Variants in ANKS1A observed in about 807,000 individuals in gnomAD.
ANKS1A encodes the protein ankyrin repeat and SAM domain-containing protein 1A.
Under a neutral mutation model 120.3 loss-of-function variants are expected in ANKS1A, and 55 were observed. The ratio of observed to expected loss-of-function variants is 0.46; its 90% confidence interval spans 0.37 to 0.57. The LOEUF (loss-of-function observed/expected upper bound fraction) is 0.57. ANKS1A is among the 20% of genes least tolerant of loss of function. The pLI is 0.00. For synonymous variants in ANKS1A, 590 were observed against 604.7 expected, an observed-to-expected ratio of 0.98 and a Z score of 0.36; for missense variants, 1,123 against 1,480.3, an observed-to-expected ratio of 0.76 and a Z score of 3.96.
Position 35,054,137 on chromosome 6 carries a change from CT to C in ANKS1A, c.2053del (p.Ser685LeufsTer35). The C allele has an allele frequency of 6.2e-7, 1 of 1,614,072 alleles. No individual in the cohort carries two copies. Among genetic ancestry groups the C allele is most frequent in the Non-Finnish European group, 8.5e-7 (1 of 1,179,938 alleles). On this transcript the variant is annotated frameshift_variant, in exon 12 of 24. Transcript: ENST00000360359. LOFTEE classifies it high-confidence loss of function. ...IMSSIGEGID[F>X]SQERQKISGL... is the part of the protein sequence containing the mutation. ...TGAGTTCTATTGGAGAAGGGATTGA[CT>C]TTTCTCAGGAACGGCAGAAGATCTC... is the stretch of plus-strand genomic sequence containing the variant.
chr6:34,922,883 G>A (rs1381869349), intron 1 of ANKS1A, among the ~76,000 whole-genome samples: 9 of 152,102 alleles, frequency 5.9e-5, no homozygotes, highest in Non-Finnish European at 1.3e-4. Context: ...TAGTAGAGAC[G>A]GGGTTTCACC....
At chr6:35,094,782 G>A (rs1399166391), downstream of ANKS1A, among the ~76,000 whole-genome samples, 2 of 152,052 alleles carry the variant, frequency 1.3e-5, no homozygotes, top group East Asian at 3.9e-4. Context: ...GCATCTCAGG[G>A]ACCTGTGTGA....
In ANKS1A at chr6:34,917,291, C is replaced by CT. The variant is rs1768214501; in HGVS notation, c.197+27696dup. The stretch of plus-strand genomic sequence containing the variant: ...CTACCAGTGGAGAGGTGGCAGCAGG[C>CT]TTTTGGCTAAGTGGAGAGGCTCTCT... On this transcript the variant is annotated intron_variant, in intron 1 of 23. Coordinates refer to ENST00000360359, the MANE Select transcript of ANKS1A (RefSeq NM_015245.3). Among the ~76,000 whole-genome samples, 7 of 152,314 alleles carry CT rather than the reference C, an allele frequency of 4.6e-5. No homozygotes were observed. In the South Asian group the frequency reaches 1.2e-3, roughly 27 times the overall value.
chr6:35,011,126 T>C (rs1773738027), intron 10 of ANKS1A, among the ~76,000 whole-genome samples: 1 of 152,210 alleles, frequency 6.6e-6, no homozygotes, highest in Admixed American at 6.5e-5. Context: ...AAGAAAATGC[T>C]TGGCATAGTG....
At chr6:35,065,567 T>A (rs1322307808) in intron 13 of ANKS1A, among the ~76,000 whole-genome samples, 1 of 152,176 alleles carries the variant, frequency 6.6e-6, no homozygotes, top group African/African-American at 2.4e-5. Context: ...CTGTCACCCC[T>A]CAGGTGGCGT....
At chr6:35,028,644 A>G (rs1774747456) in intron 11 of ANKS1A, among the ~76,000 whole-genome samples, 1 of 152,214 alleles carries the variant, frequency 6.6e-6, no homozygotes, top group African/African-American at 2.4e-5. Context: ...AGCATTTCTG[A>G]CATGTTAAGC....
chr6:34,940,889 C>T (rs1181615066), intron 1 of ANKS1A, among the ~76,000 whole-genome samples: 4 of 148,356 alleles, frequency 2.7e-5, no homozygotes, highest in South Asian at 4.2e-4. Context: ...TCCTGGGCAA[C>T]GAGGATGAAA....
intron 1 of ANKS1A, among the ~76,000 whole-genome samples, chr6:34,951,359 T>C (rs1208593656): frequency 1.3e-5 from 2 of 152,146 alleles, no homozygotes; most frequent in Non-Finnish European, 2.9e-5. Context: ...CATAAAATGA[T>C]CCTCTAGGGG....
intron 9 of ANKS1A, 21 bp from the exon 10 acceptor site, chr6:34,994,281 C>T: frequency 6.2e-7 from 1 of 1,611,652 alleles, no homozygotes; most frequent in Non-Finnish European, 8.5e-7. Flanking sequence ...ACAAGATACA[C>T]TGGATGTTTC....
rs1777717661 is a variant in ANKS1A at position 35,082,154 on chromosome 6, C to CCATG, written c.2710-536_2710-533dup. 6.6e-6 allele frequency among the ~76,000 whole-genome samples: 1 copy of CCATG among 152,126 alleles called. No individual in the cohort carries two copies. The highest frequency in any genetic ancestry group is 2.4e-5 in the African/African-American group (1 of 41,422). ...TTCCACCAGTGCCCTGGACAGGGAC[C>CCATG]CATGATCTCTCACCTGGACCGCAGT... On this transcript the variant is annotated intron_variant, in intron 17 of 23. Transcript: ENST00000360359. This position sits in a 1 kb window ranked among gnomAD's most constrained non-coding sequence, Gnocchi z 4.1.
chr6:35,010,496 C>G (rs1016577174), intron 10 of ANKS1A, among the ~76,000 whole-genome samples: 3 of 152,202 alleles, frequency 2.0e-5, no homozygotes, highest in Admixed American at 6.5e-5. Context: ...GCCACTTTCA[C>G]TTATAACCCA....
intron 10 of ANKS1A, among the ~76,000 whole-genome samples, chr6:35,010,129 G>T (rs1010658142): frequency 7.2e-5 from 11 of 151,798 alleles, no homozygotes; most frequent in African/African-American, 2.7e-4. Context: ...CAAGCCTGCT[G>T]AACTCCAGCC....
chr6:35,001,887 A>G (rs752559324), intron 10 of ANKS1A, among the ~76,000 whole-genome samples: 17 of 152,228 alleles, frequency 1.1e-4, no homozygotes, highest in Non-Finnish European at 2.2e-4. Flanking sequence ...GGCCAAGGCC[A>G]GTGGCCTATC....
chr6:35,044,744 A>G lies in ANKS1A; in HGVS notation c.2011-9355A>G, dbSNP rs1402170741. Reference sequence around the variant, plus strand: ...TTCCCTCTGGTGTATCTTTTAAAACAAAACAACAAAAAACAAAGGAACCTG... The same window carrying G: ...TTCCCTCTGGTGTATCTTTTAAAACGAAACAACAAAAAACAAAGGAACCTG... On this transcript the variant is annotated intron_variant, in intron 11 of 23. Transcript: ENST00000360359. This position sits in a 1 kb window ranked among gnomAD's most constrained non-coding sequence, Gnocchi z 4.4. Among the ~76,000 whole-genome samples the G allele has an allele frequency of 6.6e-6, 1 of 152,246 alleles. No individual in the cohort carries two copies.
intron 1 of ANKS1A, among the ~76,000 whole-genome samples, chr6:34,916,280 A>G (rs1226093491): frequency 6.6e-6 from 1 of 152,190 alleles, no homozygotes; most frequent in African/African-American, 2.4e-5. Flanking sequence ...GGCATGAGCC[A>G]CTGCGCCCAG....
chr6:35,068,576 C>T (rs865353), intron 13 of ANKS1A, among the ~76,000 whole-genome samples: 66,548 of 152,056 alleles, frequency 0.44, 15,195 homozygotes, highest in East Asian at 0.62. Context: ...TGCAATTTCT[C>T]GTGTGTCCAG....
chr6:34,972,687 G>A, intron 3 of ANKS1A: 1 of 950,854 alleles, frequency 1.1e-6, no homozygotes, highest in South Asian at 4.9e-5. Flanking sequence ...ATTTCTCCAA[G>A]CTGTACCTCC....
chr6:35,019,618 AG>A (rs1182204669), intron 11 of ANKS1A, among the ~76,000 whole-genome samples: 2 of 152,144 alleles, frequency 1.3e-5, no homozygotes, highest in East Asian at 1.9e-4. Context: ...GCTCTGGGGG[AG>A]GGGGGTGCCA....
rs1776345111 is a variant in ANKS1A at position 35,058,963 on chromosome 6, G to T, written c.2078-1184G>T. On this transcript the variant is annotated intron_variant, in intron 12 of 23. Transcript: ENST00000360359. The surrounding 1 kb of genome is among the most constrained non-coding windows in gnomAD (Gnocchi z 5.1). ...ATCCAGAGACCCTGGGACGACTGTG[G>T]CTGTCTTTATCACTCAGCCAAAGAG... is the stretch of plus-strand genomic sequence containing the variant. Among the ~76,000 whole-genome samples the T allele has an allele frequency of 6.6e-6, 1 of 152,192 alleles. No individual in the cohort carries two copies. The highest frequency in any genetic ancestry group is 1.5e-5 in the Non-Finnish European group (1 of 68,036).
Sources: allele counts gnomAD v4.1 joint callset (sites outside exome capture counted in the v4.1 genomes callset), GRCh38; gene constraint gnomAD v4.1.1; non-coding constraint Gnocchi (gnomAD v3.1); transcripts MANE v1.5; gene names NCBI Gene and HGNC (gene_info 2026-07-23, HGNC 2026-07-21).